ERMAP: variants seen among roughly 807,000 people sequenced by gnomAD.
ERMAP encodes erythroblast membrane associated protein (Scianna blood group), also known as erythroid membrane-associated protein.
A neutral mutation model predicts 49.5 loss-of-function variants in ERMAP; 34 were observed. The ratio of observed to expected loss-of-function variants is 0.69; its 90% CI spans 0.52 to 0.91. ERMAP has a LOEUF of 0.91. Among genes scored for constraint, ERMAP ranks in the 40% least tolerant of loss-of-function variants. The pLI, the probability that ERMAP is intolerant of heterozygous loss-of-function variation, is 0.00. For synonymous variants in ERMAP, 214 were observed against 232.2 expected (o/e 0.92, Z 0.71); for missense variants, 541 against 582.6 (o/e 0.93, Z 0.74).
At chr1:42,834,085 T>C (rs1483642579) in intron 4 of ERMAP, among the ~76,000 whole-genome samples, 1 of 152,218 alleles carries the variant, frequency 6.6e-6, no homozygotes, top group Non-Finnish European at 1.5e-5. Flanking sequence ...TGAGGGACAA[T>C]GGGCTGGGAG....
In ERMAP at chr1:42,835,632, G is replaced by T. The variant is rs1654872399; in HGVS notation, c.551-100G>T. On this transcript the variant is annotated intron_variant, in intron 5 of 11. Coordinates refer to ENST00000372517, the MANE Select transcript of ERMAP (RefSeq NM_001017922.2). ...ATGCCCGCTTACCTGTAGTGACAAG[G>T]AGTCAGTCCTACTCAGGCAGCTGGG... 2.0e-6 allele frequency: 3 copies of T among 1,488,152 alleles called. No individual in the cohort carries two copies. In the African/African-American group the frequency reaches 4.2e-5, roughly 21 times the overall value. 92.2% of individuals were successfully genotyped at this position (1,488,152 alleles called of 1,614,324 possible).
Position 42,835,780 on chromosome 1 carries a change from T to TG in ERMAP, c.583+22dup. The TG allele has an allele frequency of 7.5e-6, 12 of 1,604,658 alleles. No individual in the cohort carries two copies. Among genetic ancestry groups the TG allele is most frequent in the Middle Eastern group, 1.7e-4 (1 of 6,042 alleles). ...ACGGAGGTGGGTAAGTGTTCTTGGC[T>TG]GGGGGGCAGGGGAGATGTTTCTTTT... On this transcript the variant is annotated intron_variant, in intron 6 of 11. Transcript: ENST00000372517.
chr1:42,828,891 G>C (rs1250760095), intron 2 of ERMAP, among the ~76,000 whole-genome samples: 1 of 152,118 alleles, frequency 6.6e-6, no homozygotes, highest in African/African-American at 2.4e-5. Context: ...GGCAGCCTTG[G>C]GTTAGCTTGG....
chr1:42,823,346 A>G (rs1372093245), intron 1 of ERMAP, among the ~76,000 whole-genome samples: 3 of 152,208 alleles, frequency 2.0e-5, no homozygotes, highest in African/African-American at 4.8e-5. Flanking sequence ...CTAAATGTTG[A>G]CACATTTCAT....
chr1:42,821,950 C>T (rs1016652366), intron 1 of ERMAP, among the ~76,000 whole-genome samples: 14 of 150,502 alleles, frequency 9.3e-5, no homozygotes, highest in African/African-American at 3.2e-4. Context: ...GAGTTCAAGG[C>T]TGCAGTGAGC....
In ERMAP at chr1:42,843,894, C is replaced by T; in HGVS notation, c.*662C>T. The T allele has an allele frequency of 5.0e-6, 2 of 396,506 alleles. No individual in the cohort carries two copies. Among genetic ancestry groups the T allele is most frequent in the Middle Eastern group, 6.3e-4 (1 of 1,586 alleles). 24.6% of individuals were successfully genotyped at this position (396,506 alleles called of 1,614,324 possible). On this transcript the variant is annotated 3_prime_UTR_variant, in exon 12 of 12. Transcript: ENST00000372517. ...TGTTGATGGTAACTAGGTACAGCGA[C>T]TTTAAATACAGTTGCTATAATCCTG...
chr1:42,843,916 C>T lies in ERMAP; in HGVS notation c.*684C>T. The stretch of plus-strand genomic sequence containing the variant: ...CGACTTTAAATACAGTTGCTATAAT[C>T]CTGAAAAGCCCCAGGAGCACATCAG... On this transcript the variant is annotated 3_prime_UTR_variant, in exon 12 of 12. Transcript: ENST00000372517. 1 of 397,138 alleles carries T rather than the reference C, an allele frequency of 2.5e-6. No individual in the cohort carries two copies. Among genetic ancestry groups the T allele is most frequent in the Non-Finnish European group, 4.4e-6 (1 of 225,644 alleles). The allele number at this position is 397,138 out of a possible 1,614,324, so 24.6% of individuals were successfully genotyped here. A position where few individuals can be genotyped will look rare whatever the true frequency, so the allele number is the denominator to read the frequency against.
Position 42,830,869 on chromosome 1 carries a change from G to A in ERMAP, c.187G>A (p.Val63Met), listed in dbSNP as rs778421271. 1.2e-6 allele frequency: 2 copies of A among 1,612,598 alleles called. No homozygotes were observed. Among genetic ancestry groups the A allele is most frequent in the Admixed American group, 1.7e-5 (1 of 59,798 alleles). The change falls in exon 4 of 12, where the codon GTG becomes ATG. Residue 63 changes from valine to methionine, a missense_variant. Val to Met is a conservative substitution (Grantham distance 21). Transcript: ENST00000372517. ...SLWPGTVPKE[V>M]RWLRSPFPQR... ...CTGGCCCGGGACGGTACCCAAGGAG[G>A]TGAGGTGGCTGCGGTCCCCATTCCC... is the stretch of plus-strand genomic sequence containing the variant.
chr1:42,821,435 CAT>C (rs1021585932), intron 1 of ERMAP, among the ~76,000 whole-genome samples: 1 of 152,168 alleles, frequency 6.6e-6, no homozygotes, highest in African/African-American at 2.4e-5. Context: ...TTTTCTCACT[CAT>C]AGAGTTAGAA....
chr1:42,843,312 A>T lies in ERMAP; in HGVS notation c.*80A>T. 3 of 1,033,022 alleles carry T rather than the reference A, an allele frequency of 2.9e-6. No homozygotes were observed. The highest frequency in any genetic ancestry group is 4.2e-6 in the Non-Finnish European group (3 of 719,612). 64.0% of individuals were successfully genotyped at this position (1,033,022 alleles called of 1,614,324 possible). ...AGTCGCCTGGCCCAACCCCATGATT[A>T]TGGAACGTCTCTTCACCTTAACCCA... On this transcript the variant is annotated 3_prime_UTR_variant, in exon 12 of 12. Transcript: ENST00000372517.
chr1:42,825,418 G>A lies in ERMAP; in HGVS notation c.-121-205G>A, dbSNP rs1418850344. On this transcript the variant is annotated intron_variant, in intron 1 of 11. Coordinates refer to ENST00000372517, the MANE Select transcript of ERMAP (RefSeq NM_001017922.2). ...AGGAAAAGGGAGTGGAGGGGCAAAC[G>A]TGCCTCCTACCCGGTCAGTCATACT... 1.0e-5 allele frequency: 11 copies of A among 1,068,372 alleles called. No homozygotes were observed. In the Admixed American group the frequency reaches 4.9e-4, roughly 47 times the overall value. 66.2% of individuals were successfully genotyped at this position (1,068,372 alleles called of 1,614,324 possible).
chr1:42,842,817 A>G lies in ERMAP; in HGVS notation c.1013A>G (p.Glu338Gly), dbSNP rs372550039. The G allele has an allele frequency of 1.9e-6, 3 of 1,614,038 alleles. No individual in the cohort carries two copies. The African/African-American group carries it at 4.0e-5, about 22-fold the overall frequency. ...HWLLRQSRGN[E>G]YEALTSPQTS... ...CTTCTGCGACAGAGTCGTGGGAATG[A>G]GTATGAAGCTCTCACATCCCCGCAG... The change falls in exon 12 of 12, where the codon GAG becomes GGG. Residue 338 changes from glutamate (E) to glycine (G), a missense_variant. Coordinates refer to ENST00000372517, the MANE Select transcript of ERMAP (RefSeq NM_001017922.2).
intron 2 of ERMAP, 113 bp from the exon 3 acceptor site, chr1:42,830,331 C>T: frequency 1.1e-6 from 1 of 878,960 alleles, no homozygotes; most frequent in East Asian, 2.5e-5. Context: ...GAGCCCCGGC[C>T]TTTGTGATCC....
chr1:42,842,920 C>CA lies in ERMAP; in HGVS notation c.1118dup (p.Asn373LysfsTer24), dbSNP rs777623882. 2.5e-6 allele frequency: 4 copies of CA among 1,614,102 alleles called. No individual in the cohort carries two copies. The African/African-American group carries it at 5.3e-5, about 22-fold the overall frequency. On this transcript the variant is annotated frameshift_variant, in exon 12 of 12. Transcript: ENST00000372517. LOFTEE classifies it high-confidence loss of function. ...ATGAAGCAGGAGTCATCTCTTTCTA[C>CA]AATGTGACCAACAAGTCCCACATCT...
intron 1 of ERMAP, among the ~76,000 whole-genome samples, chr1:42,823,440 A>G (rs1654452818): frequency 6.6e-6 from 1 of 152,270 alleles, no homozygotes; most frequent in Admixed American, 6.5e-5. Flanking sequence ...GGTATCAAGC[A>G]GCAGATAAAA....
chr1:42,843,163 G>C lies in ERMAP; in HGVS notation c.1359G>C (p.Lys453Asn). The C allele has an allele frequency of 6.2e-7, 1 of 1,614,038 alleles. No homozygotes were observed. Among genetic ancestry groups the C allele is most frequent in the Non-Finnish European group, 8.5e-7 (1 of 1,179,960 alleles). The change falls in exon 12 of 12, where the codon AAG becomes AAC. Residue 453 changes from lysine (K) to asparagine (N), a missense_variant. Physicochemically the swap from Lys to Asn is moderately conservative, Grantham distance 94 (BLOSUM62 0). Transcript: ENST00000372517. ...TACCCCCGAAGGCCCCAGAGCTGAA[G>C]GATATAATCCTGTCCTTGCCCCCTG... The part of the protein sequence containing the change: ...SLLPPKAPEL[K>N]DIILSLPPDL...
intron 11 of ERMAP, among the ~76,000 whole-genome samples, chr1:42,840,638 T>G (rs371099726): frequency 1.3e-5 from 2 of 152,238 alleles, no homozygotes; most frequent in Non-Finnish European, 2.9e-5. Flanking sequence ...TTTTTTGATT[T>G]GTGAAGACTC....
chr1:42,822,314 G>C (rs963881034), intron 1 of ERMAP, among the ~76,000 whole-genome samples: 2 of 151,984 alleles, frequency 1.3e-5, no homozygotes, highest in African/African-American at 4.8e-5. Context: ...CTCCTGAGTA[G>C]CTGGGATTAT....
chr1:42,817,856 CCT>C (rs1654289492), intron 1 of ERMAP: 1 of 152,238 alleles, frequency 6.6e-6, no homozygotes, highest in African/African-American at 2.4e-5. Flanking sequence ...ATAATAGCTA[CCT>C]TACATTTGGG....
Sources: allele counts gnomAD v4.1 joint callset (sites outside exome capture counted in the v4.1 genomes callset), GRCh38; gene constraint gnomAD v4.1.1; transcripts MANE v1.5; gene names NCBI Gene and HGNC (gene_info 2026-07-23, HGNC 2026-07-21).